Variants in PTPRD observed in about 807,000 individuals in gnomAD.
The protein encoded by PTPRD is receptor-type tyrosine-protein phosphatase delta.
A neutral mutation model predicts 214.5 loss-of-function variants in PTPRD; 34 were observed. The observed-to-expected ratio is 0.16, with a 90% CI of 0.12 to 0.21. PTPRD has a LOEUF of 0.21. Among genes scored for constraint, PTPRD ranks in the 10% least tolerant of loss-of-function variants. The probability of loss-of-function intolerance (pLI) is 1.00; values close to 1 mark genes in which losing one functional copy is unlikely to be tolerated. For missense variants in PTPRD, 2,545 were observed against 2,398.7 expected, an observed-to-expected ratio of 1.06 and a Z score of -1.27; for synonymous variants, 1,128 against 845.7, an observed-to-expected ratio of 1.33 and a Z score of -5.79.
intron 2 of PTPRD, among the ~76,000 whole-genome samples, chr9:10,558,729 T>C (rs2063178234): frequency 6.6e-6 from 1 of 152,190 alleles, no homozygotes; most frequent in Admixed American, 6.6e-5. Context: ...CAGCACATAG[T>C]ACAACCTTTA....
At chr9:9,687,463 T>C (rs979117272) in intron 7 of PTPRD, among the ~76,000 whole-genome samples, 6 of 151,700 alleles carry the variant, frequency 4.0e-5, no homozygotes, top group African/African-American at 1.4e-4. Flanking sequence ...GATTCCCAAA[T>C]GTCAGACACC....
chr9:9,619,447 A>G (rs949953885), intron 7 of PTPRD, among the ~76,000 whole-genome samples: 1 of 149,416 alleles, frequency 6.7e-6, no homozygotes, highest in African/African-American at 2.4e-5. Flanking sequence ...TATCTATATA[A>G]GCATGTCTAT....
intron 9 of PTPRD, among the ~76,000 whole-genome samples, chr9:9,233,697 A>T (rs2133951982): frequency 6.6e-6 from 1 of 152,372 alleles, no homozygotes; most frequent in East Asian, 1.9e-4. Flanking sequence ...AAATAGACCA[A>T]AAAAAGGGGC....
chr9:8,771,485 A>T (rs181284037), intron 11 of PTPRD, among the ~76,000 whole-genome samples: 1 of 152,206 alleles, frequency 6.6e-6, no homozygotes, highest in Non-Finnish European at 1.5e-5. Context: ...ACAGGTGACA[A>T]GTCTAAGTCA....
At position 10,185,863 on chromosome 9, in the gene PTPRD, C is replaced by G. The variant is rs147238143; in HGVS notation, c.-544-152073G>C. 8.9e-4 allele frequency among the ~76,000 whole-genome samples: 135 copies of G among 151,986 alleles called. 3 individuals are homozygous for G. The highest frequency in any genetic ancestry group is 3.2e-3 in the African/African-American group (131 of 41,492). On this transcript the variant is annotated intron_variant, in intron 3 of 45. Coordinates refer to ENST00000381196, the MANE Select transcript of PTPRD (RefSeq NM_002839.4). ...ATGATGCAGGAGTAGATAATAAAAC[C>G]TGCCATGTCTATTTCTTGTGGAGAG... is the stretch of plus-strand genomic sequence containing the variant.
At chr9:9,221,847 C>G (rs1308986901) in intron 9 of PTPRD, among the ~76,000 whole-genome samples, 2 of 151,966 alleles carry the variant, frequency 1.3e-5, no homozygotes, top group Non-Finnish European at 2.9e-5. Flanking sequence ...TGATGTTGCA[C>G]AAACGCTGTA....
chr9:8,377,407 T>C (rs1422163205), intron 37 of PTPRD, among the ~76,000 whole-genome samples: 3 of 152,062 alleles, frequency 2.0e-5, no homozygotes, highest in Non-Finnish European at 4.4e-5. Flanking sequence ...CTATGTGAAG[T>C]GGAACAAAAG....
intron 4 of PTPRD, among the ~76,000 whole-genome samples, chr9:9,948,060 G>A (rs571895624): frequency 1.3e-5 from 2 of 151,942 alleles, no homozygotes; most frequent in East Asian, 1.9e-4. Flanking sequence ...GAAGACAGAG[G>A]AAAAAGGAGA....
chr9:10,022,586 C>T (rs1363479370), intron 4 of PTPRD, among the ~76,000 whole-genome samples: 5 of 152,076 alleles, frequency 3.3e-5, no homozygotes, highest in Middle Eastern at 3.2e-3. Flanking sequence ...GGCCAAAAGG[C>T]ACTTGTAGTG....
intron 8 of PTPRD, among the ~76,000 whole-genome samples, chr9:9,402,388 G>T (rs1005022215): frequency 1.3e-5 from 2 of 152,106 alleles, no homozygotes; most frequent in Non-Finnish European, 2.9e-5. Flanking sequence ...TTTCAGGTTT[G>T]AATTTATACC....
At chr9:9,929,153 T>G (rs1031738416) in intron 5 of PTPRD, among the ~76,000 whole-genome samples, 12 of 152,190 alleles carry the variant, frequency 7.9e-5, no homozygotes, top group Non-Finnish European at 1.8e-4. Flanking sequence ...CTCCACTTAG[T>G]GTTTGTTAGC....
chr9:10,170,275 C>G (rs1033472941), intron 3 of PTPRD, among the ~76,000 whole-genome samples: 65 of 152,022 alleles, frequency 4.3e-4, no homozygotes, highest in African/African-American at 1.6e-3. Context: ...TCAAAGTGGC[C>G]ATTGAAAGAA....
rs376226992 is a variant in PTPRD at position 9,360,479 on chromosome 9, G to A, written c.-203+36970C>T. 2.6e-5 allele frequency among the ~76,000 whole-genome samples: 4 copies of A among 151,192 alleles called. No individual in the cohort carries two copies. In the East Asian group the frequency reaches 7.8e-4, roughly 29 times the overall value. Reference sequence around the variant, plus strand: ...AAATAAATATTGAAAGATTTGATTAGGCTAAGTTTGTGACAAGGTCTATGG... The same window carrying A: ...AAATAAATATTGAAAGATTTGATTAAGCTAAGTTTGTGACAAGGTCTATGG... On this transcript the variant is annotated intron_variant, in intron 9 of 45. Transcript: ENST00000381196.
At chr9:8,573,675 A>C (rs2091728886) in intron 14 of PTPRD, among the ~76,000 whole-genome samples, 1 of 151,976 alleles carries the variant, frequency 6.6e-6, no homozygotes, top group Non-Finnish European at 1.5e-5. Flanking sequence ...TAACATAAAA[A>C]TGATAAAAAA....
At chr9:8,355,424 A>G (rs1366023729) in intron 39 of PTPRD, among the ~76,000 whole-genome samples, 1 of 96,242 alleles carries the variant, frequency 1.0e-5, no homozygotes, top group African/African-American at 3.0e-5. Context: ...ATTTTGGTCT[A>G]TGGTTGACCT....
intron 11 of PTPRD, among the ~76,000 whole-genome samples, chr9:8,891,871 G>A (rs1284710523): frequency 6.6e-6 from 1 of 152,126 alleles, no homozygotes; most frequent in African/African-American, 2.4e-5. Context: ...GGCAGATTTA[G>A]GTGATCTAAA....
At chr9:10,059,440 C>G (rs1448946572) in intron 3 of PTPRD, among the ~76,000 whole-genome samples, 1 of 152,090 alleles carries the variant, frequency 6.6e-6, no homozygotes, top group Non-Finnish European at 1.5e-5. Context: ...CTGGTACTAA[C>G]CATTTCTTAC....
intron 3 of PTPRD, among the ~76,000 whole-genome samples, chr9:10,129,975 T>C (rs554358977): frequency 3.3e-5 from 5 of 152,126 alleles, no homozygotes; most frequent in Non-Finnish European, 7.4e-5. Context: ...ATGACTTTTA[T>C]GCTGTAGTCA....
At chr9:9,634,071 G>C (rs899374735) in intron 7 of PTPRD, among the ~76,000 whole-genome samples, 1 of 151,994 alleles carries the variant, frequency 6.6e-6, no homozygotes, top group African/African-American at 2.4e-5. Flanking sequence ...CTTAAAAATG[G>C]TATATAATAC....
Sources: allele counts gnomAD v4.1 joint callset (sites outside exome capture counted in the v4.1 genomes callset), GRCh38; gene constraint gnomAD v4.1.1; transcripts MANE v1.5; gene names NCBI Gene and HGNC (gene_info 2026-07-23, HGNC 2026-07-21).